The following SKAP2 variants were observed in gnomAD, a reference collection of about 807,000 sequenced individuals.
The protein encoded by SKAP2 is src kinase-associated phosphoprotein 2.
In SKAP2, 28 loss-of-function variants were observed where a neutral mutation model predicts 54.9. That is an observed-to-expected ratio of 0.51 (90% confidence interval 0.38 to 0.70). The LOEUF (loss-of-function observed/expected upper bound fraction) is 0.70. Ranked by LOEUF, SKAP2 falls within the 30% of genes least tolerant of loss-of-function variation. SKAP2 has a pLI of 0.00. For missense variants in SKAP2, 356 were observed against 424.1 expected, an observed-to-expected ratio of 0.84 and a Z score of 1.41; for synonymous variants, 137 against 134.3, an observed-to-expected ratio of 1.02 and a Z score of -0.14.
chr7:26,727,247 A>G (rs989225699), intron 6 of SKAP2, among the ~76,000 whole-genome samples: 1 of 152,124 alleles, frequency 6.6e-6, no homozygotes, highest in African/African-American at 2.4e-5. Context: ...GGAAGTATGG[A>G]AACATGACAC....
At chr7:26,661,213 AG>A in the SKAP2 span, among the ~76,000 whole-genome samples, 2 of 152,098 alleles carry the variant, frequency 1.3e-5, no homozygotes, top group African/African-American at 4.8e-5. Context: ...ACATGTAACG[AG>A]GTTCTGGTTT....
At position 26,676,717 on chromosome 7, in the gene SKAP2, C is replaced by T. The variant is rs533732000; in HGVS notation, c.988-6525G>A. 9.2e-5 allele frequency among the ~76,000 whole-genome samples: 14 copies of T among 152,194 alleles called. 1 individual carries two copies. The South Asian group carries it at 1.5e-3, about 16-fold the overall frequency. On this transcript the variant is annotated intron_variant, in intron 11 of 12. Coordinates refer to ENST00000345317, the MANE Select transcript of SKAP2 (RefSeq NM_003930.5). ...AATATTTAAGACACAGTGTCTACCT[C>T]AAGAAGTTCAAAGTTTAGACAGAAA...
chr7:26,721,110 TC>T (rs770061914), intron 9 of SKAP2, among the ~76,000 whole-genome samples: 1 of 152,178 alleles, frequency 6.6e-6, no homozygotes, highest in Non-Finnish European at 1.5e-5. Flanking sequence ...TTGACATCTT[TC>T]CATTGCATTC....
At chr7:26,772,791 T>C (rs964605111) in intron 4 of SKAP2, among the ~76,000 whole-genome samples, 10 of 152,238 alleles carry the variant, frequency 6.6e-5, no homozygotes, top group African/African-American at 2.2e-4. Context: ...TTTTATGGCC[T>C]GTAACTTTAA....
chr7:26,799,717 A>G (rs1368456728), intron 4 of SKAP2, among the ~76,000 whole-genome samples: 4 of 152,214 alleles, frequency 2.6e-5, no homozygotes. Flanking sequence ...TGGATCTAAC[A>G]GATATCTACA....
intron 4 of SKAP2, among the ~76,000 whole-genome samples, chr7:26,807,895 T>C (rs1402470243): frequency 6.6e-6 from 1 of 152,198 alleles, no homozygotes; most frequent in Non-Finnish European, 1.5e-5. Flanking sequence ...CAATAAAGTA[T>C]TTTTAAATTA....
chr7:26,749,239 G>A (rs898273019), intron 4 of SKAP2, among the ~76,000 whole-genome samples: 2 of 152,054 alleles, frequency 1.3e-5, no homozygotes, highest in African/African-American at 4.8e-5. Flanking sequence ...ACACATATTT[G>A]ACAAGATTAT....
chr7:26,785,014 AG>A (rs1468773711), intron 4 of SKAP2, among the ~76,000 whole-genome samples: 10 of 152,168 alleles, frequency 6.6e-5, no homozygotes, highest in Non-Finnish European at 1.5e-4. Context: ...CAATTCTTTG[AG>A]GCACATCTGG....
At chr7:26,800,626 A>C (rs1156309212) in intron 4 of SKAP2, among the ~76,000 whole-genome samples, 1 of 152,204 alleles carries the variant, frequency 6.6e-6, no homozygotes, top group Non-Finnish European at 1.5e-5. Context: ...GAAAAAGAGA[A>C]GATCCAAATA....
At chr7:26,840,947 G>A (rs1388192190) in intron 4 of SKAP2, among the ~76,000 whole-genome samples, 1 of 151,632 alleles carries the variant, frequency 6.6e-6, no homozygotes, top group African/African-American at 2.4e-5. Flanking sequence ...TTCCAAAGAG[G>A]GAAAAGAAAA....
In SKAP2 at chr7:26,825,580, TAAAAAAAA is replaced by T. The variant is rs3069884; in HGVS notation, c.307+18442_307+18449del. ...ATATAATGGCCAAACAGCAAACAGT[TAAAAAAAA>T]AAAAAAAAAAGGAGAACTTTCACTA... On this transcript the variant is annotated intron_variant, in intron 4 of 12. Coordinates refer to ENST00000345317, the MANE Select transcript of SKAP2 (RefSeq NM_003930.5). Among the ~76,000 whole-genome samples, 12 of 129,108 alleles carry T rather than the reference TAAAAAAAA, an allele frequency of 9.3e-5. No homozygotes were observed. In the South Asian group the frequency reaches 2.7e-3, roughly 29 times the overall value. 84.7% of individuals were successfully genotyped at this position (129,108 alleles called of 152,430 possible).
chr7:26,675,507 T>A (rs1786331463), intron 11 of SKAP2, among the ~76,000 whole-genome samples: 1 of 152,198 alleles, frequency 6.6e-6, no homozygotes, highest in Non-Finnish European at 1.5e-5. Flanking sequence ...TACAAACTCA[T>A]TAAGATCAGA....
chr7:26,864,399 A>T lies in SKAP2; in HGVS notation c.31T>A (p.Tyr11Asn), dbSNP rs1785331610. Residue 11 changes from tyrosine (Y) to asparagine (N), a missense_variant, in exon 1 of 13, where the codon TAC becomes AAC. Transcript: ENST00000345317. Reference sequence around the variant, plus strand: ...TTCCTAATTTCCTCAGGGAGGGGGTAGGGAGAGGAGGTGCTGCTGGGGTTG... The same window carrying T: ...TTCCTAATTTCCTCAGGGAGGGGGTTGGGAGAGGAGGTGCTGCTGGGGTTG... MPNPSSTSSP[Y>N]PLPEEIRNLL... 1 of 1,611,574 alleles carries T rather than the reference A, an allele frequency of 6.2e-7. No homozygotes were observed. Among genetic ancestry groups the T allele is most frequent in the Admixed American group, 1.7e-5 (1 of 59,772 alleles).
intron 10 of SKAP2, among the ~76,000 whole-genome samples, chr7:26,685,566 G>GC (rs1786618069): frequency 6.6e-6 from 1 of 152,108 alleles, no homozygotes; most frequent in Non-Finnish European, 1.5e-5. Context: ...AAATAAACAT[G>GC]CAACATACAC....
At chr7:26,739,752 G>T in intron 5 of SKAP2, 135 bp downstream of exon 5, 1 of 618,614 alleles carries the variant, frequency 1.6e-6, no homozygotes, top group Non-Finnish European at 2.8e-6. Context: ...TTTGGATAAT[G>T]TCATCCAGAT....
intron 6 of SKAP2, among the ~76,000 whole-genome samples, chr7:26,730,157 TCTC>T (rs1232555577): frequency 2.6e-5 from 4 of 152,150 alleles, no homozygotes; most frequent in Non-Finnish European, 4.4e-5. Context: ...ACAACACTGT[TCTC>T]CTCCTTTCAC....
In SKAP2 at chr7:26,725,406, T is replaced by A. The variant is rs772136469; in HGVS notation, c.796+22A>T. The A allele has an allele frequency of 3.8e-6, 6 of 1,590,414 alleles. No homozygotes were observed. The South Asian group carries it at 6.7e-5, about 18-fold the overall frequency. On this transcript the variant is annotated intron_variant, in intron 9 of 12. Transcript: ENST00000345317. ...CACACACAGCCCTAAAATCTTTAAA[T>A]GAATCACCAGAAAGTAAATACCTGG...
chr7:26,813,097 T>A (rs1784189350), intron 4 of SKAP2, among the ~76,000 whole-genome samples: 1 of 152,228 alleles, frequency 6.6e-6, no homozygotes, highest in Non-Finnish European at 1.5e-5. Flanking sequence ...GCTATATAGA[T>A]GTTCTACTAA....
intron 4 of SKAP2, among the ~76,000 whole-genome samples, chr7:26,752,862 T>C (rs73683510): frequency 6.6e-6 from 1 of 152,140 alleles, no homozygotes; most frequent in African/African-American, 2.4e-5. Context: ...TGTGAAATTT[T>C]AAGCATATAC....
Sources: allele counts gnomAD v4.1 joint callset (sites outside exome capture counted in the v4.1 genomes callset), GRCh38; gene constraint gnomAD v4.1.1; transcripts MANE v1.5; gene names NCBI Gene and HGNC (gene_info 2026-07-23, HGNC 2026-07-21).